ATP8B4: variants seen among roughly 807,000 people sequenced by gnomAD.
ATP8B4 encodes the protein probable phospholipid-transporting ATPase IM.
Under a neutral mutation model 145.6 loss-of-function variants are expected in ATP8B4, and 133 were observed. The observed-to-expected ratio is 0.91, with a 90% CI of 0.79 to 1.05. ATP8B4 has a LOEUF of 1.05. Ranked by LOEUF, ATP8B4 falls within the 50% of genes least tolerant of loss-of-function variation. The pLI is 0.00. For synonymous variants in ATP8B4, 507 were observed against 492.9 expected (o/e 1.03, Z -0.38); for missense variants, 1,458 against 1,425.2 (o/e 1.02, Z -0.37).
At chr15:50,021,591 C>G (rs1403249046) in intron 6 of ATP8B4, among the ~76,000 whole-genome samples, 1 of 152,170 alleles carries the variant, frequency 6.6e-6, no homozygotes, top group Admixed American at 6.5e-5. Context: ...CTTCAAGGGG[C>G]CTTCTCTGGT....
In ATP8B4 at chr15:49,876,484, A is replaced by G. The variant is rs1488055673; in HGVS notation, c.2821T>C (p.Tyr941His). The change falls in exon 25 of 28, where the codon TAC becomes CAC. Residue 941 changes from tyrosine to histidine, a missense_variant. Tyr to His is a moderately conservative substitution (Grantham distance 83, BLOSUM62 2). Coordinates refer to ENST00000284509, the MANE Select transcript of ATP8B4 (RefSeq NM_024837.4). ...DQNSVDCPQL[Y>H]KPGQLNLLFN... Reference sequence around the variant, plus strand: ...AGCAGATTCAGCTGTCCTGGTTTGTAGAGCTGGGGACAGTCCACGCTGTTC... The same window carrying G: ...AGCAGATTCAGCTGTCCTGGTTTGTGGAGCTGGGGACAGTCCACGCTGTTC... The G allele has an allele frequency of 6.2e-7, 1 of 1,614,136 alleles. No homozygotes were observed. The highest frequency in any genetic ancestry group is 2.2e-5 in the East Asian group (1 of 44,878).
chr15:50,061,782 A>AAG (rs1313210616), intron 3 of ATP8B4, among the ~76,000 whole-genome samples: 2 of 152,304 alleles, frequency 1.3e-5, no homozygotes, highest in African/African-American at 4.8e-5. Flanking sequence ...AAGCCAAGTC[A>AAG]GGTCATTTTT....
At chr15:49,885,766 T>G (rs2036111309) in intron 23 of ATP8B4, 1 of 152,028 alleles carries the variant, frequency 6.6e-6, no homozygotes, top group Admixed American at 6.6e-5. Context: ...AATCTGAGAT[T>G]TGTCCCTCTC....
chr15:50,031,368 TAA>T (rs940501490), intron 6 of ATP8B4, among the ~76,000 whole-genome samples: 22 of 152,238 alleles, frequency 1.4e-4, no homozygotes, highest in African/African-American at 5.3e-4. Flanking sequence ...GGGCTGGAGA[TAA>T]AAGACTCCGG....
At chr15:50,155,816 A>C (rs375611390) in intron 1 of ATP8B4, among the ~76,000 whole-genome samples, 2 of 152,078 alleles carry the variant, frequency 1.3e-5, no homozygotes, top group East Asian at 3.9e-4. Flanking sequence ...GAATAGGTAG[A>C]TCCAAATTAT....
chr15:50,080,684 T>C (rs1251545079), intron 2 of ATP8B4, among the ~76,000 whole-genome samples: 1 of 152,082 alleles, frequency 6.6e-6, no homozygotes, highest in Non-Finnish European at 1.5e-5. Context: ...CCTCCCACCT[T>C]GGCCTCCTAA....
At chr15:49,938,130 G>C in intron 14 of ATP8B4, among the ~76,000 whole-genome samples, 1 of 152,126 alleles carries the variant, frequency 6.6e-6, no homozygotes, top group Non-Finnish European at 1.5e-5. Flanking sequence ...GGCAAATATT[G>C]TTTCAAGCCA....
rs1247763988 is a variant in ATP8B4, at chr15:49,903,789, G to T, written c.2142-2550C>A. On this transcript the variant is annotated intron_variant, in intron 20 of 27. Coordinates refer to ENST00000284509, the MANE Select transcript of ATP8B4 (RefSeq NM_024837.4). The stretch of plus-strand genomic sequence containing the variant: ...CATGCCTGTAATCCTAGCTACTCGG[G>T]AGGCTGAGGCAGGAGAATCACTTGA... Among the ~76,000 whole-genome samples, 4 of 152,140 alleles carry T rather than the reference G, an allele frequency of 2.6e-5. No individual in the cohort carries two copies. The East Asian group carries it at 7.7e-4, about 29-fold the overall frequency.
intron 3 of ATP8B4, among the ~76,000 whole-genome samples, chr15:50,058,297 G>A (rs926941122): frequency 6.6e-6 from 1 of 152,178 alleles, no homozygotes; most frequent in Non-Finnish European, 1.5e-5. Context: ...GAGTTGAGGT[G>A]GGGGCTGGCT....
At chr15:50,068,397 G>A (rs2053522105) in intron 3 of ATP8B4, among the ~76,000 whole-genome samples, 1 of 152,156 alleles carries the variant, frequency 6.6e-6, no homozygotes, top group African/African-American at 2.4e-5. Flanking sequence ...GCAGCAAATA[G>A]ATTTCATCCA....
chr15:49,886,682 T>C (rs2036225672), intron 23 of ATP8B4, among the ~76,000 whole-genome samples: 2 of 152,306 alleles, frequency 1.3e-5, no homozygotes, highest in Admixed American at 1.3e-4. Context: ...TAATTCTGGT[T>C]TTTATCTCAG....
chr15:50,116,845 A>G (rs1388473447), intron 1 of ATP8B4, among the ~76,000 whole-genome samples: 1 of 152,120 alleles, frequency 6.6e-6, no homozygotes, highest in Non-Finnish European at 1.5e-5. Flanking sequence ...TAAGGAAGGA[A>G]CATGTTTCCA....
chr15:49,878,708 C>G (rs943274769), intron 24 of ATP8B4, among the ~76,000 whole-genome samples: 2 of 152,150 alleles, frequency 1.3e-5, no homozygotes, highest in Admixed American at 1.3e-4. Flanking sequence ...CCTTTCTCCC[C>G]ACTCAAGCAC....
At chr15:50,090,165 G>C (rs143600279) in intron 2 of ATP8B4, among the ~76,000 whole-genome samples, 36 of 152,200 alleles carry the variant, frequency 2.4e-4, no homozygotes, top group African/African-American at 8.4e-4. Context: ...TGAACAGTGA[G>C]AACACATGGA....
intron 2 of ATP8B4, among the ~76,000 whole-genome samples, chr15:50,103,310 G>C (rs1483704088): frequency 1.3e-5 from 2 of 152,122 alleles, no homozygotes; most frequent in African/African-American, 4.8e-5. Context: ...AACTGTTGCT[G>C]TTTGCTGATG....
chr15:50,123,668 T>A (rs1169200447), upstream of ATP8B4, among the ~76,000 whole-genome samples: 1 of 152,164 alleles, frequency 6.6e-6, no homozygotes, highest in Admixed American at 6.6e-5. Flanking sequence ...CTGTCTCCCA[T>A]ACAGCTGCCT....
chr15:50,084,318 C>T (rs543484886), intron 2 of ATP8B4, among the ~76,000 whole-genome samples: 1 of 152,268 alleles, frequency 6.6e-6, no homozygotes, highest in African/African-American at 2.4e-5. Flanking sequence ...CTATTCATGA[C>T]ACATTCAGGT....
chr15:50,129,216 C>T (rs1239079719), intron 1 of ATP8B4, among the ~76,000 whole-genome samples: 1 of 151,944 alleles, frequency 6.6e-6, no homozygotes, highest in Non-Finnish European at 1.5e-5. Flanking sequence ...GAGTCAAATT[C>T]ATATCAAGAA....
At chr15:49,915,121 T>C (rs141413460) in intron 20 of ATP8B4, among the ~76,000 whole-genome samples, 161 of 152,246 alleles carry the variant, frequency 1.1e-3, no homozygotes, top group African/African-American at 3.8e-3. Context: ...AATGGAATAC[T>C]ATTCAACCAT....
Sources: gnomAD v4.1 joint callset for allele counts (sites outside exome capture counted in the v4.1 genomes callset) on GRCh38, gnomAD v4.1.1 for gene constraint, MANE v1.5 for transcripts, NCBI Gene and HGNC (gene_info 2026-07-23, HGNC 2026-07-21) for gene names.